The following MYT1L variants were observed in gnomAD, a reference collection of about 807,000 sequenced individuals.
MYT1L encodes myelin transcription factor 1-like protein.
MYT1L carries 12 observed loss-of-function variants against 126.7 expected under a neutral mutation model. The ratio of observed to expected loss-of-function variants is 0.09; its 90% confidence interval spans 0.06 to 0.15. The LOEUF is 0.15. MYT1L is among the 10% of genes least tolerant of loss of function. The pLI is 1.00. For synonymous variants in MYT1L, 541 were observed against 604.2 expected (o/e 0.90, Z 1.53); for missense variants, 979 against 1,585.2 (o/e 0.62, Z 6.49).
At chr2:2,183,338 C>T (rs2091742912) in intron 2 of MYT1L, among the ~76,000 whole-genome samples, 1 of 152,018 alleles carries the variant, frequency 6.6e-6, no homozygotes, top group Non-Finnish European at 1.5e-5. Context: ...AGAGGCTGCT[C>T]ACCTCTGTGC....
At chr2:1,818,759 C>T (rs2148114398) in intron 21 of MYT1L, among the ~76,000 whole-genome samples, 1 of 152,322 alleles carries the variant, frequency 6.6e-6, no homozygotes, top group African/African-American at 2.4e-5. Context: ...ATCAGATCTG[C>T]TTCCATCTCA....
chr2:2,055,889 G>T (rs1558871392), intron 3 of MYT1L, among the ~76,000 whole-genome samples: 1 of 152,238 alleles, frequency 6.6e-6, no homozygotes, highest in East Asian at 1.9e-4. Context: ...GTTGTCCATC[G>T]TTGTTTTGGG....
At chr2:2,256,043 G>A (rs890597021) in intron 2 of MYT1L, among the ~76,000 whole-genome samples, 13 of 152,182 alleles carry the variant, frequency 8.5e-5, no homozygotes, top group African/African-American at 3.1e-4. Context: ...CTAAAGAGAA[G>A]GTCCACCTGA....
Position 1,922,763 on chromosome 2 carries a change from C to T in MYT1L, c.1006G>A (p.Asp336Asn), listed in dbSNP as rs951762938. 4.3e-6 allele frequency: 7 copies of T among 1,613,806 alleles called. No homozygotes were observed. The highest frequency in any genetic ancestry group is 2.2e-5 in the South Asian group (2 of 91,084). ...SLECLRNQCFDLARKLSETNP... is the reference protein window; with the variant it reads ...SLECLRNQCFNLARKLSETNP... ...GTCTCACTGAGCTTCCTGGCCAGGT[C>T]GAAGCACTGATTCCTCAAACACTCC... The change falls in exon 10 of 25, where the codon GAC (aspartate) becomes AAC (asparagine). Residue 336 changes from aspartate to asparagine, a missense_variant. Coordinates refer to ENST00000647738, the MANE Select transcript of MYT1L (RefSeq NM_001303052.2). The surrounding 1 kb of genome is among the most constrained non-coding windows in gnomAD (Gnocchi z 7.4).
intron 2 of MYT1L, among the ~76,000 whole-genome samples, chr2:2,247,076 C>A (rs1196295008): frequency 2.0e-5 from 3 of 152,040 alleles, no homozygotes; most frequent in African/African-American, 7.2e-5. Context: ...ATTAAACTCT[C>A]CAATCAAAAG....
intron 3 of MYT1L, among the ~76,000 whole-genome samples, chr2:2,054,875 G>A (rs2069295767): frequency 6.6e-6 from 1 of 151,658 alleles, no homozygotes; most frequent in Non-Finnish European, 1.5e-5. Flanking sequence ...TGAGAAGCAT[G>A]AAGATGAGAC....
In MYT1L at chr2:2,308,984, A is replaced by G. The variant is rs139782597; in HGVS notation, c.-521+21983T>C. The stretch of plus-strand genomic sequence containing the variant: ...CTACACTTTATTATATTCTACCTAT[A>G]CTTCACCTACACTTCAGTACACTCT... On this transcript the variant is annotated intron_variant, in intron 1 of 24. Transcript: ENST00000647738. 3.3e-5 allele frequency among the ~76,000 whole-genome samples: 5 copies of G among 151,650 alleles called. No homozygotes were observed. In the East Asian group the frequency reaches 9.7e-4, roughly 30 times the overall value.
intron 2 of MYT1L, among the ~76,000 whole-genome samples, chr2:2,189,100 C>T (rs2092409021): frequency 6.6e-6 from 1 of 152,244 alleles, no homozygotes; most frequent in Non-Finnish European, 1.5e-5. Flanking sequence ...ATTCTCCACA[C>T]AGCAGCAGGA....
rs35297300 is a variant in MYT1L, at chr2:2,140,432, CTTTTTT to C, written c.-304+32434_-304+32439del. On this transcript the variant is annotated intron_variant, in intron 3 of 24. Coordinates refer to ENST00000647738, the MANE Select transcript of MYT1L (RefSeq NM_001303052.2). Reference sequence around the variant, plus strand: ...GTCTTTATTTTTTTTCTTTCTTTTTCTTTTTTTTTTTTTTTTTTTTGAGACAGAGTA... The same window carrying C: ...GTCTTTATTTTTTTTCTTTCTTTTTCTTTTTTTTTTTTTTGAGACAGAGTA... Among the ~76,000 whole-genome samples, 578 of 112,954 alleles carry C rather than the reference CTTTTTT, an allele frequency of 5.1e-3. 4 individuals carry two copies. Among genetic ancestry groups the C allele is most frequent in the African/African-American group, 0.019 (559 of 29,074 alleles). 74.1% of individuals were successfully genotyped at this position (112,954 alleles called of 152,430 possible).
At chr2:1,952,797 TTCTCTCCCTCCCTCCCTTCC>T (rs1331620728) in intron 8 of MYT1L, among the ~76,000 whole-genome samples, 4 of 8,172 alleles carry the variant, frequency 4.9e-4, no homozygotes, top group Admixed American at 2.4e-3. Flanking sequence ...CCTTCCCTCC[TTCTCTCCCTCCCTCCCTTCC>T]TCTCTCCCTC....
At chr2:1,810,606 A>C (rs976006798) in intron 21 of MYT1L, among the ~76,000 whole-genome samples, 2 of 152,312 alleles carry the variant, frequency 1.3e-5, no homozygotes, top group South Asian at 4.1e-4. Context: ...AGATTACATC[A>C]TTATTAGAAA....
At chr2:2,022,006 T>G (rs1287833432) in intron 4 of MYT1L, among the ~76,000 whole-genome samples, 1 of 152,066 alleles carries the variant, frequency 6.6e-6, no homozygotes, top group Admixed American at 6.5e-5. Context: ...ATGTCCTGAG[T>G]GTAAGCCAGC....
intron 3 of MYT1L, among the ~76,000 whole-genome samples, chr2:2,168,463 C>T (rs2089512331): frequency 2.0e-5 from 3 of 152,186 alleles, no homozygotes; most frequent in African/African-American, 7.2e-5. Flanking sequence ...TACTGCAGGT[C>T]CTTGCACATC....
At chr2:1,939,931 T>C (rs1229027039) in intron 9 of MYT1L, among the ~76,000 whole-genome samples, 6 of 152,238 alleles carry the variant, frequency 3.9e-5, no homozygotes, top group Admixed American at 2.6e-4. Context: ...CAGGTGATTA[T>C]GTCTTAGGAG....
chr2:2,030,361 T>G (rs2149908581), intron 4 of MYT1L, among the ~76,000 whole-genome samples: 1 of 152,324 alleles, frequency 6.6e-6, no homozygotes, highest in East Asian at 1.9e-4. Context: ...CCTCCCAAAG[T>G]GCTGGGATTA....
At chr2:2,208,917 A>G (rs1231099128) in intron 2 of MYT1L, among the ~76,000 whole-genome samples, 2 of 151,990 alleles carry the variant, frequency 1.3e-5, no homozygotes, top group African/African-American at 2.4e-5. Context: ...GCTATCCCAA[A>G]TTTTTATCAA....
At chr2:2,073,770 C>T (rs1233833831) in intron 3 of MYT1L, among the ~76,000 whole-genome samples, 1 of 152,146 alleles carries the variant, frequency 6.6e-6, no homozygotes, top group Non-Finnish European at 1.5e-5. Context: ...CCTCTTGGAG[C>T]GTTCTTTCTC....
At chr2:2,319,306 A>C (rs1308561121) in intron 1 of MYT1L, 1 of 152,208 alleles carries the variant, frequency 6.6e-6, no homozygotes, top group African/African-American at 2.4e-5. Context: ...ACAGCTCAGA[A>C]ACTGCAGAAC....
intron 3 of MYT1L, among the ~76,000 whole-genome samples, chr2:2,054,555 C>T (rs1349496852): frequency 4.6e-5 from 7 of 151,164 alleles, no homozygotes; most frequent in Non-Finnish European, 1.0e-4. Flanking sequence ...GGAGATGAGA[C>T]AGATGCAGAT....
Sources: allele counts gnomAD v4.1 joint callset (sites outside exome capture counted in the v4.1 genomes callset), GRCh38; gene constraint gnomAD v4.1.1; non-coding constraint Gnocchi (gnomAD v3.1); transcripts MANE v1.5; gene names NCBI Gene and HGNC (gene_info 2026-07-23, HGNC 2026-07-21).